Variants in PDE1A observed in about 807,000 individuals in gnomAD.
PDE1A encodes phosphodiesterase 1A.
PDE1A carries 35 observed loss-of-function variants against 61.7 expected under a neutral mutation model. The observed-to-expected ratio is 0.57, with a 90% CI of 0.43 to 0.75. The LOEUF is 0.75. Ranked by LOEUF, PDE1A falls within the 30% of genes least tolerant of loss-of-function variation. The probability of loss-of-function intolerance (pLI) is 0.00; values close to 1 mark genes in which losing one functional copy is unlikely to be tolerated. For synonymous variants in PDE1A, 232 were observed against 213.2 expected (o/e 1.09, Z -0.77); for missense variants, 597 against 630.6 (o/e 0.95, Z 0.57).
At chr2:182,394,191 A>C (rs1701574018) in intron 1 of PDE1A, among the ~76,000 whole-genome samples, 1 of 152,216 alleles carries the variant, frequency 6.6e-6, no homozygotes, top group South Asian at 2.1e-4. Flanking sequence ...TAATTTATAA[A>C]GAAAAAGAGG....
the PDE1A span, among the ~76,000 whole-genome samples, chr2:182,643,239 T>C: frequency 3.3e-5 from 5 of 152,214 alleles, no homozygotes; most frequent in African/African-American, 7.2e-5. Context: ...CAAATACTTG[T>C]AAACCTCCTT....
At chr2:182,304,608 G>A (rs1381669383) in intron 1 of PDE1A, among the ~76,000 whole-genome samples, 1 of 152,112 alleles carries the variant, frequency 6.6e-6, no homozygotes, top group Non-Finnish European at 1.5e-5. Context: ...AACAGTTAGA[G>A]GTCATTCTAA....
the PDE1A span, among the ~76,000 whole-genome samples, chr2:182,539,401 GAACA>G: frequency 2.0e-5 from 3 of 152,110 alleles, no homozygotes; most frequent in Non-Finnish European, 4.4e-5. Context: ...TGAGTCCCTA[GAACA>G]AACAGTGAGC....
the PDE1A span, among the ~76,000 whole-genome samples, chr2:182,662,235 A>AC: frequency 1.3e-5 from 2 of 151,320 alleles, no homozygotes; most frequent in Non-Finnish European, 2.9e-5. Context: ...ATATCCAAAA[A>AC]AAAGTTTGTT....
intron 1 of PDE1A, among the ~76,000 whole-genome samples, chr2:182,324,979 C>T (rs1343076502): frequency 2.0e-5 from 3 of 152,178 alleles, no homozygotes; most frequent in African/African-American, 7.2e-5. Context: ...CAATGATTTG[C>T]TCAGGGTCAT....
At chr2:182,335,748 A>C (rs181817010) in intron 1 of PDE1A, among the ~76,000 whole-genome samples, 2 of 152,362 alleles carry the variant, frequency 1.3e-5, no homozygotes, top group East Asian at 3.9e-4. Flanking sequence ...AATGGCGACA[A>C]AAGCCAAAAT....
intron 2 of PDE1A, among the ~76,000 whole-genome samples, chr2:182,263,809 AGGTTT>A (rs1288399689): frequency 6.6e-6 from 1 of 152,172 alleles, no homozygotes; most frequent in Non-Finnish European, 1.5e-5. Flanking sequence ...TTATGAGGCT[AGGTTT>A]GGATGATCAA....
intron 4 of PDE1A, among the ~76,000 whole-genome samples, chr2:182,231,547 T>C (rs921861102): frequency 5.3e-5 from 8 of 151,584 alleles, no homozygotes; most frequent in African/African-American, 1.7e-4. Flanking sequence ...TCTTACTCAC[T>C]TGCTACATTG....
At chr2:182,614,686 T>C in the PDE1A span, among the ~76,000 whole-genome samples, 1 of 151,692 alleles carries the variant, frequency 6.6e-6, no homozygotes, top group African/African-American at 2.4e-5. Flanking sequence ...GCCTCCCGAG[T>C]AGCTGAGACT....
intron 2 of PDE1A, among the ~76,000 whole-genome samples, chr2:182,434,636 C>T (rs985045324): frequency 2.0e-5 from 3 of 152,014 alleles, no homozygotes; most frequent in Non-Finnish European, 2.9e-5. Context: ...TACTACCACA[C>T]CGAAATCACT....
At chr2:182,660,763 A>C in the PDE1A span, among the ~76,000 whole-genome samples, 1 of 152,230 alleles carries the variant, frequency 6.6e-6, no homozygotes, top group East Asian at 1.9e-4. Context: ...ATCTGCCAAC[A>C]ACCTGAACGA....
At chr2:182,581,626 A>C in the PDE1A span, among the ~76,000 whole-genome samples, 1 of 152,230 alleles carries the variant, frequency 6.6e-6, no homozygotes, top group Non-Finnish European at 1.5e-5. Flanking sequence ...AAGAAATCAA[A>C]GAAAATACCA....
chr2:182,476,824 A>G (rs981927840), intron 2 of PDE1A, among the ~76,000 whole-genome samples: 2 of 151,764 alleles, frequency 1.3e-5, no homozygotes, highest in Non-Finnish European at 2.9e-5. Context: ...TAAAAGACCA[A>G]TAATAAAAGT....
the PDE1A span, among the ~76,000 whole-genome samples, chr2:182,621,832 C>T: frequency 1.2e-4 from 19 of 152,108 alleles, no homozygotes; most frequent in Non-Finnish European, 2.2e-4. Context: ...GAAAAATGAG[C>T]TTTCTGATTT....
intron 10 of PDE1A, among the ~76,000 whole-genome samples, chr2:182,194,898 C>T (rs924181507): frequency 1.6e-4 from 25 of 151,548 alleles, no homozygotes; most frequent in Non-Finnish European, 2.9e-4. Flanking sequence ...CACACACACA[C>T]ACACACACAC....
the PDE1A span, among the ~76,000 whole-genome samples, chr2:182,641,665 CATA>C: frequency 6.6e-6 from 1 of 152,172 alleles, no homozygotes; most frequent in Non-Finnish European, 1.5e-5. Context: ...CACATCTTCA[CATA>C]ATAAGTTAAT....
intron 1 of PDE1A, among the ~76,000 whole-genome samples, chr2:182,265,895 C>A (rs1041075487): frequency 6.6e-6 from 1 of 152,054 alleles, no homozygotes; most frequent in East Asian, 1.9e-4. Flanking sequence ...GAGTAGATTG[C>A]GGCTACTTTT....
intron 1 of PDE1A, among the ~76,000 whole-genome samples, chr2:182,299,308 T>G (rs540699167): frequency 6.6e-6 from 1 of 151,506 alleles, no homozygotes; most frequent in South Asian, 2.1e-4. Context: ...TCCTTGAATA[T>G]AGAATCTGGA....
At chr2:182,478,149 G>A (rs1401053565) in intron 2 of PDE1A, among the ~76,000 whole-genome samples, 2 of 151,816 alleles carry the variant, frequency 1.3e-5, no homozygotes, top group Non-Finnish European at 2.9e-5. Flanking sequence ...TCTTTGATGA[G>A]TGTTTCTTTT....
Sources: gnomAD v4.1 joint callset for allele counts (sites outside exome capture counted in the v4.1 genomes callset) on GRCh38, gnomAD v4.1.1 for gene constraint, MANE v1.5 for transcripts, NCBI Gene and HGNC (gene_info 2026-07-23, HGNC 2026-07-21) for gene names.